The following TUT7 variants were observed in gnomAD, a reference collection of about 807,000 sequenced individuals.
TUT7 encodes terminal uridylyltransferase 7.
Under a neutral mutation model 165.9 loss-of-function variants are expected in TUT7, and 33 were observed. The observed-to-expected ratio is 0.20, with a 90% confidence interval of 0.15 to 0.27. The LOEUF (loss-of-function observed/expected upper bound fraction) is 0.27. Among genes scored for constraint, TUT7 ranks in the 10% least tolerant of loss-of-function variants. The pLI is 1.00. For missense variants in TUT7, 1,338 were observed against 1,762.3 expected (o/e 0.76, Z 4.31); for synonymous variants, 552 against 608.1 (o/e 0.91, Z 1.36).
chr9:86,292,970 T>G (rs1826010246), intron 26 of TUT7, among the ~76,000 whole-genome samples: 1 of 152,100 alleles, frequency 6.6e-6, no homozygotes, highest in Non-Finnish European at 1.5e-5. Flanking sequence ...TACCTGAATA[T>G]AAAATATTTG....
intron 16 of TUT7, 98 bp downstream of exon 16, chr9:86,318,860 T>C (rs1828978751): frequency 1.2e-6 from 1 of 849,594 alleles, no homozygotes; most frequent in Non-Finnish European, 1.9e-6. Flanking sequence ...CTATATGGTA[T>C]GCCCTGATAA....
rs373278709 is a variant in TUT7, at chr9:86,325,461, G to C, written c.1662C>G (p.Leu554=). Residue 554 remains leucine, a synonymous_variant, in exon 12 of 27, where the codon CTC becomes CTG. Coordinates refer to ENST00000375963, the MANE Select transcript of TUT7 (RefSeq NM_024617.4). The part of the protein sequence containing the change: ...KHQPSVPVGQ[L]WVELLRFYAL... ...CATAGAACCGCAGCAATTCCACCCA[G>C]AGCTGCCCAACTGGTACTGAAGGCT... is the stretch of plus-strand genomic sequence containing the variant. The C allele has an allele frequency of 1.9e-6, 3 of 1,613,858 alleles. No homozygotes were observed. The highest frequency in any genetic ancestry group is 2.5e-6 in the Non-Finnish European group (3 of 1,179,962).
intron 10 of TUT7, among the ~76,000 whole-genome samples, chr9:86,331,440 G>A (rs1830305684): frequency 6.6e-6 from 1 of 152,136 alleles, no homozygotes. Context: ...GGTGTCAATT[G>A]ATGAAGGCTG....
chr9:86,312,725 G>T (rs1564049418), intron 17 of TUT7, among the ~76,000 whole-genome samples: 1 of 152,218 alleles, frequency 6.6e-6, no homozygotes, highest in East Asian at 1.9e-4. Flanking sequence ...TGTCTGTGTA[G>T]AAAGAGGTAG....
chr9:86,310,657 CA>C lies in TUT7; in HGVS notation c.3378+48del, dbSNP rs748366367. 3.0e-6 allele frequency: 3 copies of C among 996,382 alleles called. No homozygotes were observed. In the Admixed American group the frequency reaches 5.8e-5, roughly 19 times the overall value. The allele number at this position is 996,382 out of a possible 1,614,324, so 61.7% of individuals were successfully genotyped here. A position where few individuals can be genotyped will look rare whatever the true frequency, so the allele number is the denominator to read the frequency against. ...AACTTGAGGTTTTTGCAAGGTGAGA[CA>C]TTTGTTCCCTTAACCTCTCTAAACA... On this transcript the variant is annotated intron_variant, in intron 18 of 26. Transcript: ENST00000375963.
At chr9:86,326,852 T>A (rs559728952) in intron 11 of TUT7, among the ~76,000 whole-genome samples, 8 of 152,336 alleles carry the variant, frequency 5.3e-5, no homozygotes, top group African/African-American at 1.9e-4. Context: ...AGTGGCAGCA[T>A]GATTAATCTT....
intron 14 of TUT7, among the ~76,000 whole-genome samples, chr9:86,320,292 T>C (rs1564060940): frequency 6.8e-6 from 1 of 147,566 alleles, no homozygotes; most frequent in Non-Finnish European, 1.5e-5. Context: ...TAAGAACACG[T>C]GTCTTCTGAC....
intron 26 of TUT7, among the ~76,000 whole-genome samples, chr9:86,291,045 T>C (rs1825862724): frequency 6.6e-6 from 1 of 152,152 alleles, no homozygotes; most frequent in Non-Finnish European, 1.5e-5. Context: ...CAAATGATGA[T>C]GAAAACTAAT....
Position 86,322,440 on chromosome 9 carries a change from C to G in TUT7, c.2913G>C (p.Glu971Asp), listed in dbSNP as rs568993501. 3 of 1,613,976 alleles carry G rather than the reference C, an allele frequency of 1.9e-6. No homozygotes were observed. The highest frequency in any genetic ancestry group is 2.2e-5 in the South Asian group (2 of 91,074). Residue 971 changes from glutamate to aspartate, a missense_variant, in exon 14 of 27, where the codon GAG (glutamate) becomes GAC (aspartate). Physicochemically the swap from Glu to Asp is conservative, Grantham distance 45 (BLOSUM62 2). Around this residue, in one of 7 missense-constraint regions of TUT7, gnomAD observed 425 missense variants for 474.9 expected, o/e 0.89. Transcript: ENST00000375963. ...PTVVCSLCKR[E>D]GHLKKDCPED... is the part of the protein sequence containing the mutation. ...CAGGACAGTCCTTCTTTAGATGACC[C>G]TCTCGTTTGCATAAGCTGCACACTA...
chr9:86,298,787 ATTG>A (rs1826602053), intron 26 of TUT7: 5 of 985,086 alleles, frequency 5.1e-6, no homozygotes, highest in Non-Finnish European at 6.0e-6. Context: ...ACTCAAAAAT[ATTG>A]TTGTTTTTTG....
chr9:86,350,000 G>A (rs1832130357), intron 2 of TUT7, among the ~76,000 whole-genome samples: 1 of 152,152 alleles, frequency 6.6e-6, no homozygotes, highest in African/African-American at 2.4e-5. Context: ...TCCTTTTAAT[G>A]TCTAGTTGCA....
chr9:86,345,914 T>C (rs1470952266), intron 3 of TUT7, 129 bp from the exon 4 acceptor site: 1 of 697,140 alleles, frequency 1.4e-6, no homozygotes, highest in Non-Finnish European at 2.4e-6. Flanking sequence ...CTCACTATGT[T>C]GCCCTGGCTG....
chr9:86,354,210 G>A (rs968043841), intron 1 of TUT7, 61 bp downstream of exon 1: 1 of 152,738 alleles, frequency 6.5e-6, no homozygotes, highest in South Asian at 2.1e-4. Flanking sequence ...CTGCCGGCCT[G>A]GGGGTTCCTC....
chr9:86,349,972 T>G (rs1832128367), intron 2 of TUT7, among the ~76,000 whole-genome samples: 1 of 152,234 alleles, frequency 6.6e-6, no homozygotes, highest in African/African-American at 2.4e-5. Context: ...ATAAAAGTTT[T>G]TGTGGTCAGC....
intron 17 of TUT7, among the ~76,000 whole-genome samples, chr9:86,313,165 T>TAAATAAAA (rs1199950910): frequency 2.9e-5 from 4 of 138,734 alleles, no homozygotes; most frequent in African/African-American, 8.0e-5. Flanking sequence ...AATAAATAAA[T>TAAATAAAA]AAAAAGAATT....
chr9:86,297,154 G>A (rs116189908), intron 26 of TUT7, among the ~76,000 whole-genome samples: 227 of 152,238 alleles, frequency 1.5e-3, no homozygotes, highest in African/African-American at 5.3e-3. Context: ...TGTATGCCTA[G>A]CATCTATATT....
chr9:86,323,593 G>T lies in TUT7; in HGVS notation c.2157C>A (p.Val719=), dbSNP rs1829526220. ...GGATACAGTCTGAGTTTTCAGGGTG[G>T]ACACTGATGTGTTCATTTCCCATTT... ...KEEMGNEHIS[V]HPENSDCIQA... The change falls in exon 13 of 27, where the codon GTC becomes GTA. Residue 719 remains valine (V), a synonymous_variant. Coordinates refer to ENST00000375963, the MANE Select transcript of TUT7 (RefSeq NM_024617.4). 4.3e-6 allele frequency: 7 copies of T among 1,614,030 alleles called. No homozygotes were observed. In the East Asian group the frequency reaches 1.6e-4, roughly 36 times the overall value.
chr9:86,310,653 G>A (rs1411301086), intron 18 of TUT7, 53 bp downstream of exon 18: 5 of 946,172 alleles, frequency 5.3e-6, no homozygotes, highest in Non-Finnish European at 8.5e-6. Context: ...TTTGCAAGGT[G>A]AGACATTTGT....
At position 86,323,825 on chromosome 9, in the gene TUT7, T is replaced by A. The variant is rs771642859; in HGVS notation, c.1925A>T (p.Lys642Met). Residue 642 changes from lysine to methionine, a missense_variant, in exon 13 of 27, where the codon AAG becomes ATG. Around this residue, in one of 7 missense-constraint regions of TUT7, gnomAD observed 425 missense variants for 474.9 expected, o/e 0.89. Coordinates refer to ENST00000375963, the MANE Select transcript of TUT7 (RefSeq NM_024617.4). The part of the protein sequence containing the change: ...PHKITKSSLL[K>M]PLNAITCISE... ...AATACATGTAATTGCATTCAGAGGC[T>A]TTAGAAGGCTGGATTTTGTAATTTT... 1.9e-6 allele frequency: 3 copies of A among 1,614,198 alleles called. No individual in the cohort carries two copies. Among genetic ancestry groups the A allele is most frequent in the Non-Finnish European group, 2.5e-6 (3 of 1,180,012 alleles).
Sources: allele counts gnomAD v4.1 joint callset (sites outside exome capture counted in the v4.1 genomes callset), GRCh38; gene constraint gnomAD v4.1.1; regional missense constraint gnomAD v4.1.1; transcripts MANE v1.5; gene names NCBI Gene and HGNC (gene_info 2026-07-23, HGNC 2026-07-21).